ADGRL3: variants seen among roughly 807,000 people sequenced by gnomAD.
ADGRL3 encodes the protein calcium-independent alpha-latrotoxin receptor 3.
Under a neutral mutation model 153.5 loss-of-function variants are expected in ADGRL3, and 62 were observed. The ratio of observed to expected loss-of-function variants is 0.40; its 90% CI spans 0.33 to 0.50. The LOEUF is 0.50. Ranked by LOEUF, ADGRL3 falls within the 20% of genes least tolerant of loss-of-function variation. ADGRL3 has a pLI of 0.47. For missense variants in ADGRL3, 1,641 were observed against 1,859.4 expected (o/e 0.88, Z 2.16); for synonymous variants, 710 against 672.5 (o/e 1.06, Z -0.86).
chr4:61,684,474 C>T (rs1348272815), intron 6 of ADGRL3, among the ~76,000 whole-genome samples: 1 of 151,966 alleles, frequency 6.6e-6, no homozygotes, highest in East Asian at 1.9e-4. Flanking sequence ...ATCAAGACTT[C>T]ATGAAATCCA....
intron 8 of ADGRL3, among the ~76,000 whole-genome samples, chr4:61,754,031 G>C (rs1479335525): frequency 6.6e-6 from 1 of 152,186 alleles, no homozygotes; most frequent in Admixed American, 6.5e-5. Context: ...CTGCCGGGAA[G>C]TGACCTTCCT....
intron 17 of ADGRL3, among the ~76,000 whole-genome samples, chr4:61,956,423 A>G (rs1251504766): frequency 6.6e-6 from 1 of 152,084 alleles, no homozygotes; most frequent in Non-Finnish European, 1.5e-5. Flanking sequence ...TTTCATGTAA[A>G]TTCTGGATAT....
chr4:61,429,552 C>G (rs10517535), intron 2 of ADGRL3, among the ~76,000 whole-genome samples: 59,825 of 151,876 alleles, frequency 0.39, 12,329 homozygotes, highest in Middle Eastern at 0.57. Flanking sequence ...GTAGCTTAGA[C>G]TTGGAGGAAA....
chr4:61,871,142 G>T (rs1387666322), intron 9 of ADGRL3, among the ~76,000 whole-genome samples: 1 of 152,052 alleles, frequency 6.6e-6, no homozygotes, highest in Non-Finnish European at 1.5e-5. Flanking sequence ...GCCAGGTGTG[G>T]TGGCGAGTGC....
intron 1 of ADGRL3, among the ~76,000 whole-genome samples, chr4:61,369,110 CA>C (rs1161668354): frequency 2.0e-5 from 3 of 152,170 alleles, no homozygotes; most frequent in Admixed American, 6.5e-5. Flanking sequence ...AGTTGCTTAT[CA>C]GCTTAAGGAG....
At chr4:61,418,463 T>C (rs2152316114) in intron 2 of ADGRL3, among the ~76,000 whole-genome samples, 1 of 142,998 alleles carries the variant, frequency 7.0e-6, no homozygotes, top group South Asian at 2.4e-4. Context: ...AAAATTTTGT[T>C]TGGGGTCATC....
chr4:61,639,692 A>C (rs1165185324), intron 5 of ADGRL3, among the ~76,000 whole-genome samples: 1 of 152,210 alleles, frequency 6.6e-6, no homozygotes, highest in Admixed American at 6.5e-5. Flanking sequence ...AAATTTCATT[A>C]AACAGGATTT....
At chr4:61,989,820 A>G (rs548195773) in intron 19 of ADGRL3, among the ~76,000 whole-genome samples, 159 of 152,174 alleles carry the variant, frequency 1.0e-3, no homozygotes, top group Admixed American at 2.2e-3. Context: ...AGCTATCATT[A>G]GACATCTAAA....
chr4:61,818,095 C>T (rs1275522590), intron 9 of ADGRL3, among the ~76,000 whole-genome samples: 1 of 152,092 alleles, frequency 6.6e-6, no homozygotes, highest in African/African-American at 2.4e-5. Context: ...GTCCACAGTC[C>T]AAACTCTTAT....
chr4:61,723,346 G>A (rs1435469750), intron 6 of ADGRL3, among the ~76,000 whole-genome samples: 1 of 152,104 alleles, frequency 6.6e-6, no homozygotes, highest in Non-Finnish European at 1.5e-5. Context: ...GTCTCACACG[G>A]ATAAGATTAA....
intron 4 of ADGRL3, among the ~76,000 whole-genome samples, chr4:61,564,867 T>C (rs1437816678): frequency 2.6e-5 from 4 of 152,098 alleles, no homozygotes; most frequent in Middle Eastern, 3.2e-3. Context: ...AGAGAGGAGA[T>C]GGGAAAATGG....
chr4:62,029,141 T>G (rs548053821), intron 22 of ADGRL3, among the ~76,000 whole-genome samples: 2 of 151,958 alleles, frequency 1.3e-5, no homozygotes, highest in African/African-American at 2.4e-5. Context: ...AACAATTTCC[T>G]GTGGTACAGA....
intron 2 of ADGRL3, among the ~76,000 whole-genome samples, chr4:61,389,975 C>CAATAATACTTTTTTTCCCTCCAAAACAAA (rs2096783614): frequency 1.3e-5 from 2 of 152,074 alleles, no homozygotes; most frequent in South Asian, 4.1e-4. Flanking sequence ...TACAAAACAA[C>CAATAATACTTTTTTTCCCTCCAAAACAAA]AATAATACTT....
intron 2 of ADGRL3, among the ~76,000 whole-genome samples, chr4:61,459,290 TATATTCTGG>T (rs2097785541): frequency 6.6e-6 from 1 of 151,892 alleles, no homozygotes; most frequent in African/African-American, 2.4e-5. Flanking sequence ...CTGGAATGTG[TATATTCTGG>T]CTATAGGGAC....
chr4:61,778,501 G>A (rs2097178554), intron 8 of ADGRL3, among the ~76,000 whole-genome samples: 1 of 152,150 alleles, frequency 6.6e-6, no homozygotes, highest in Non-Finnish European at 1.5e-5. Flanking sequence ...CTAACCAGAG[G>A]TGAAACTTTA....
At chr4:61,887,284 TTATTTCCTTCAGCTTCTTC>T (rs1204442047) in intron 9 of ADGRL3, among the ~76,000 whole-genome samples, 1 of 152,178 alleles carries the variant, frequency 6.6e-6, no homozygotes, top group African/African-American at 2.4e-5. Context: ...TAGATTCTTT[TTATTTCCTTCAGCTTCTTC>T]TTAAAGTGTT....
At chr4:61,236,014 T>TTTA in intron 1 of ADGRL3, among the ~76,000 whole-genome samples, 1 of 140,688 alleles carries the variant, frequency 7.1e-6, no homozygotes, top group East Asian at 2.1e-4. Flanking sequence ...TTTTCTTTTT[T>TTTA]TTTTTTTTTT....
At chr4:61,676,444 G>T (rs1351576708) in intron 5 of ADGRL3, among the ~76,000 whole-genome samples, 1 of 151,754 alleles carries the variant, frequency 6.6e-6, no homozygotes, top group Non-Finnish European at 1.5e-5. Context: ...TAAACTCTGT[G>T]GTTATATTTT....
intron 5 of ADGRL3, among the ~76,000 whole-genome samples, chr4:61,655,372 G>A (rs1005538910): frequency 1.3e-5 from 2 of 151,888 alleles, no homozygotes; most frequent in African/African-American, 4.8e-5. Context: ...CATTCAAAAA[G>A]CACTTTAATA....
Sources: allele counts gnomAD v4.1 joint callset (sites outside exome capture counted in the v4.1 genomes callset), GRCh38; gene constraint gnomAD v4.1.1; transcripts MANE v1.5; gene names NCBI Gene and HGNC (gene_info 2026-07-23, HGNC 2026-07-21).